Variants in IPO11 observed in about 807,000 individuals in gnomAD.
IPO11 encodes the protein importin-11.
A neutral mutation model predicts 143.2 loss-of-function variants in IPO11; 66 were observed. The ratio of observed to expected loss-of-function variants is 0.46; its 90% CI spans 0.38 to 0.57. IPO11 has a LOEUF of 0.57. IPO11 is among the 20% of genes least tolerant of loss of function. IPO11 has a pLI of 0.00. For missense variants in IPO11, 1,026 were observed against 1,141.0 expected (o/e 0.90, Z 1.45); for synonymous variants, 385 against 377.8 (o/e 1.02, Z -0.22).
intron 5 of IPO11, among the ~76,000 whole-genome samples, chr5:62,454,576 G>T (rs1033979138): frequency 6.6e-6 from 1 of 152,180 alleles, no homozygotes; most frequent in African/African-American, 2.4e-5. Flanking sequence ...CCTTAAGCTG[G>T]ATAGCTTGTG....
At position 62,547,493 on chromosome 5, in the gene IPO11, A is replaced by G. The variant is rs897714140; in HGVS notation, c.2251-2874A>G. Among the ~76,000 whole-genome samples the G allele has an allele frequency of 2.0e-5, 3 of 152,192 alleles. 1 individual carries two copies. Among genetic ancestry groups the G allele is most frequent in the Admixed American group, 2.0e-4 (3 of 15,270 alleles). ...AGCTTTTCTATATGTTGCCAGTTCT[A>G]GTTCTGAATTTTCTCTTGATTCTGT... On this transcript the variant is annotated intron_variant, in intron 24 of 29. Transcript: ENST00000325324.
At chr5:62,489,029 T>C (rs928636077) in intron 13 of IPO11, among the ~76,000 whole-genome samples, 2 of 152,150 alleles carry the variant, frequency 1.3e-5, no homozygotes, top group African/African-American at 2.4e-5. Context: ...TTTTGTGGTA[T>C]ATAGCACATT....
rs527761586 is a variant in IPO11 at position 62,506,627 on chromosome 5, T to G, written c.1782+270T>G. The stretch of plus-strand genomic sequence containing the variant: ...TACATATTTTAGAAGATCCAGCCGA[T>G]GTAAAATTGAGTGTGTTTGAGGGCA... On this transcript the variant is annotated intron_variant, in intron 19 of 29. Coordinates refer to ENST00000325324, the MANE Select transcript of IPO11 (RefSeq NM_016338.5). 1.5e-4 allele frequency among the ~76,000 whole-genome samples: 23 copies of G among 152,300 alleles called. 1 individual carries two copies. The highest frequency in any genetic ancestry group is 1.1e-3 in the Admixed American group (17 of 15,292).
At chr5:62,467,458 CATA>C (rs1745610940) in intron 6 of IPO11, among the ~76,000 whole-genome samples, 195 bp downstream of exon 6, 1 of 117,062 alleles carries the variant, frequency 8.5e-6, no homozygotes, top group Non-Finnish European at 2.0e-5. Flanking sequence ...TTTGAAAGCA[CATA>C]TAATAAGTTG....
intron 27 of IPO11, among the ~76,000 whole-genome samples, chr5:62,573,331 G>T (rs1408778678): frequency 6.6e-6 from 1 of 152,190 alleles, no homozygotes; most frequent in Non-Finnish European, 1.5e-5. Flanking sequence ...AGTCATAGAA[G>T]CACTCTATCA....
Position 62,526,188 on chromosome 5 carries a change from T to G in IPO11, c.1943T>G (p.Val648Gly). Residue 648 changes from valine to glycine, a missense_variant, in exon 21 of 30, where the codon GTT becomes GGT. Transcript: ENST00000325324. ...SKNLYPFLLPVIQLSTDVSQP... is the reference protein window; with the variant it reads ...SKNLYPFLLPGIQLSTDVSQP... ...AACCTGTACCCTTTCCTGCTCCCAG[T>G]TATTCAACTGAGTACAGATGTTTCA... The G allele has an allele frequency of 9.9e-6, 16 of 1,613,776 alleles. No homozygotes were observed. Among genetic ancestry groups the G allele is most frequent in the Non-Finnish European group, 1.4e-5 (16 of 1,179,782 alleles).
rs142160466 is a variant in IPO11 at position 62,515,517 on chromosome 5, A to G, written c.1896+16A>G. On this transcript the variant is annotated intron_variant, in intron 20 of 29. Transcript: ENST00000325324. ...TCTTGTTCAGGTAAGTCACTTCTCC[A>G]CAGAGTTTTTTTAGTTTAGTGGTTT... The G allele has an allele frequency of 1.8e-4, 283 of 1,530,278 alleles. No homozygotes were observed. The African/African-American group carries it at 3.6e-3, about 20-fold the overall frequency. 94.8% of individuals were successfully genotyped at this position (1,530,278 alleles called of 1,614,324 possible).
Position 62,482,169 on chromosome 5 carries a change from C to A in IPO11, c.829-932C>A, listed in dbSNP as rs570550776. ...CATTTTTTATTGTGTCTGTTTGATTCTTCTCTTTTCTTCTTTATTAGTCTT... is the reference window on the plus strand; with the variant it reads ...CATTTTTTATTGTGTCTGTTTGATTATTCTCTTTTCTTCTTTATTAGTCTT... On this transcript the variant is annotated intron_variant, in intron 9 of 29. Transcript: ENST00000325324. Among the ~76,000 whole-genome samples, 3 of 152,058 alleles carry A rather than the reference C, an allele frequency of 2.0e-5. No homozygotes were observed. In the South Asian group the frequency reaches 6.2e-4, roughly 32 times the overall value.
chr5:62,453,547 A>G (rs1260779922), intron 5 of IPO11, among the ~76,000 whole-genome samples: 1 of 151,946 alleles, frequency 6.6e-6, no homozygotes, highest in African/African-American at 2.4e-5. Context: ...TGTTCTGAGG[A>G]CTCAATTTTG....
intron 5 of IPO11, among the ~76,000 whole-genome samples, chr5:62,466,272 A>T (rs1358404689): frequency 6.6e-6 from 1 of 152,162 alleles, no homozygotes; most frequent in Non-Finnish European, 1.5e-5. Flanking sequence ...TTAATGGCAC[A>T]TTAAAAATAC....
At chr5:62,596,942 G>A (rs1166138263) in intron 28 of IPO11, among the ~76,000 whole-genome samples, 3 of 152,130 alleles carry the variant, frequency 2.0e-5, no homozygotes, top group East Asian at 3.9e-4. Flanking sequence ...CTGCTCCTTG[G>A]TGTGTCAAGC....
chr5:62,431,856 G>C (rs565899103), intron 1 of IPO11, among the ~76,000 whole-genome samples: 1 of 151,990 alleles, frequency 6.6e-6, no homozygotes, highest in African/African-American at 2.4e-5. Context: ...CACAAGAATC[G>C]CTTGAGCCCA....
chr5:62,569,716 C>T (rs535487203), intron 27 of IPO11, among the ~76,000 whole-genome samples: 2 of 152,136 alleles, frequency 1.3e-5, no homozygotes, highest in East Asian at 1.9e-4. Context: ...CATTGTTATG[C>T]GAGGAAAATA....
intron 19 of IPO11, among the ~76,000 whole-genome samples, chr5:62,513,692 GC>G (rs984218207): frequency 2.3e-5 from 3 of 133,108 alleles, no homozygotes; most frequent in Non-Finnish European, 4.8e-5. Context: ...GGGGGGCTGA[GC>G]CCCCCACCCC....
At chr5:62,494,763 A>T (rs563783117) in intron 16 of IPO11, among the ~76,000 whole-genome samples, 57 of 152,212 alleles carry the variant, frequency 3.7e-4, no homozygotes, top group South Asian at 1.2e-3. Flanking sequence ...GCTTTACTGT[A>T]TGCCTGGGTG....
At chr5:62,546,347 G>C (rs945209342) in intron 24 of IPO11, among the ~76,000 whole-genome samples, 3 of 152,066 alleles carry the variant, frequency 2.0e-5, no homozygotes, top group Non-Finnish European at 2.9e-5. Flanking sequence ...GTATCGCAAG[G>C]ATAGAACACC....
At chr5:62,440,425 G>C (rs1298749483) in intron 2 of IPO11, among the ~76,000 whole-genome samples, 2 of 146,748 alleles carry the variant, frequency 1.4e-5, no homozygotes, top group African/African-American at 2.5e-5. Flanking sequence ...TGTGATCTCA[G>C]CTCACTGCAA....
chr5:62,499,981 A>G (rs966164864), intron 16 of IPO11, among the ~76,000 whole-genome samples: 4 of 152,116 alleles, frequency 2.6e-5, no homozygotes, highest in South Asian at 2.1e-4. Context: ...GTCATCTCCT[A>G]TGATAACAAT....
chr5:62,442,079 C>T (rs1399038825), intron 2 of IPO11, among the ~76,000 whole-genome samples: 2 of 151,274 alleles, frequency 1.3e-5, no homozygotes, highest in Non-Finnish European at 3.0e-5. Context: ...CTCCTGACCT[C>T]GTGATTCGCC....
Sources: allele counts gnomAD v4.1 joint callset (sites outside exome capture counted in the v4.1 genomes callset), GRCh38; gene constraint gnomAD v4.1.1; transcripts MANE v1.5; gene names NCBI Gene and HGNC (gene_info 2026-07-23, HGNC 2026-07-21).